The following PARN variants were observed in gnomAD, a reference collection of about 807,000 sequenced individuals.
PARN encodes the protein poly(A)-specific ribonuclease.
In PARN, 71 loss-of-function variants were observed where a neutral mutation model predicts 102.8. That is an observed-to-expected ratio of 0.69 (90% CI 0.57 to 0.84). The LOEUF (loss-of-function observed/expected upper bound fraction) is 0.84, where lower values mean the gene tolerates loss of function less well. PARN is among the 40% of genes least tolerant of loss of function. The pLI is 0.00. For missense variants in PARN, 782 were observed against 760.9 expected, an observed-to-expected ratio of 1.03 and a Z score of -0.33; for synonymous variants, 261 against 252.9, an observed-to-expected ratio of 1.03 and a Z score of -0.30.
intron 23 of PARN, among the ~76,000 whole-genome samples, chr16:14,445,369 A>T (rs1424014499): frequency 6.6e-6 from 1 of 152,184 alleles, no homozygotes; most frequent in Non-Finnish European, 1.5e-5. Context: ...GCAAAAGGGG[A>T]TTAATTAAAA....
intron 21 of PARN, among the ~76,000 whole-genome samples, chr16:14,493,350 G>C (rs1295427765): frequency 6.6e-6 from 1 of 152,116 alleles, no homozygotes. Context: ...TGAGTAGCTG[G>C]GACTACAGGT....
chr16:14,531,547 A>G (rs571902106), intron 21 of PARN, among the ~76,000 whole-genome samples: 34 of 152,312 alleles, frequency 2.2e-4, no homozygotes, highest in Middle Eastern at 3.4e-3. Context: ...GATAAATTCA[A>G]TTTGGCCTCA....
intron 21 of PARN, among the ~76,000 whole-genome samples, chr16:14,498,275 A>G (rs1207438151): frequency 6.6e-6 from 1 of 152,122 alleles, no homozygotes; most frequent in Non-Finnish European, 1.5e-5. Flanking sequence ...CTGCGAGGTG[A>G]GTCATGGCCC....
At chr16:14,629,225 C>T (rs1248308382) in intron 2 of PARN, among the ~76,000 whole-genome samples, 1 of 152,174 alleles carries the variant, frequency 6.6e-6, no homozygotes, top group East Asian at 1.9e-4. Flanking sequence ...TGTGAATGTA[C>T]TTAATGCCAC....
At chr16:14,463,470 A>G (rs1050744832) in intron 22 of PARN, among the ~76,000 whole-genome samples, 2 of 152,334 alleles carry the variant, frequency 1.3e-5, no homozygotes, top group Admixed American at 6.5e-5. Context: ...ACAACCCACA[A>G]TAACAGTAAT....
At chr16:14,555,092 G>C (rs550722996) in intron 19 of PARN, among the ~76,000 whole-genome samples, 3 of 152,262 alleles carry the variant, frequency 2.0e-5, no homozygotes, top group South Asian at 2.1e-4. Flanking sequence ...AACTATCATT[G>C]CAACAATTAT....
At chr16:14,577,365 G>A (rs1280768329) in intron 18 of PARN, among the ~76,000 whole-genome samples, 1 of 152,154 alleles carries the variant, frequency 6.6e-6, no homozygotes, top group African/African-American at 2.4e-5. Flanking sequence ...TATTAACATA[G>A]AAAGAGATGT....
chr16:14,451,869 C>CAAAAAAAAAAAAAAAAAAAAAAA (rs869041563), intron 22 of PARN, among the ~76,000 whole-genome samples: 12 of 52,496 alleles, frequency 2.3e-4, no homozygotes, highest in South Asian at 8.3e-4. Context: ...AAAAAAAATA[C>CAAAAAAAAAAAAAAAAAAAAAAA]AAAAAAAAAA....
chr16:14,592,384 A>T (rs1970254898), intron 13 of PARN, among the ~76,000 whole-genome samples: 1 of 152,244 alleles, frequency 6.6e-6, no homozygotes, highest in Admixed American at 6.5e-5. Flanking sequence ...TCTACAGCTG[A>T]AGCTGTAAAG....
chr16:14,598,518 A>G (rs1254954826), intron 12 of PARN, among the ~76,000 whole-genome samples: 2 of 152,184 alleles, frequency 1.3e-5, no homozygotes, highest in Non-Finnish European at 2.9e-5. Context: ...ACTTATCTGA[A>G]GTCTGCTGGC....
chr16:14,470,320 T>C (rs529077764), intron 22 of PARN, among the ~76,000 whole-genome samples: 1 of 152,150 alleles, frequency 6.6e-6, no homozygotes, highest in African/African-American at 2.4e-5. Flanking sequence ...TTGGAGACAC[T>C]GAGAAACCTT....
intron 22 of PARN, among the ~76,000 whole-genome samples, chr16:14,457,295 T>C (rs755322955): frequency 2.0e-5 from 3 of 152,160 alleles, no homozygotes; most frequent in Non-Finnish European, 4.4e-5. Flanking sequence ...CAAAATGAAC[T>C]GGAGAGATCC....
chr16:14,528,737 C>T (rs1350413461), intron 21 of PARN, among the ~76,000 whole-genome samples: 1 of 152,176 alleles, frequency 6.6e-6, no homozygotes, highest in Non-Finnish European at 1.5e-5. Flanking sequence ...CTCTTCTCCA[C>T]TTTAACCTCT....
intron 12 of PARN, among the ~76,000 whole-genome samples, chr16:14,598,084 T>G (rs983566992): frequency 1.8e-4 from 28 of 151,964 alleles, no homozygotes; most frequent in Non-Finnish European, 2.9e-4. Context: ...GCGGAGGTTG[T>G]GGTGAGCCAG....
chr16:14,617,651 C>G lies in PARN; in HGVS notation c.328-1G>C. On this transcript the variant is annotated splice_acceptor_variant, in intron 5 of 23. Coordinates refer to ENST00000437198, the MANE Select transcript of PARN (RefSeq NM_002582.4). LOFTEE classifies it high-confidence loss of function. ...TTGCTAGAAAGTCAATGCTGGAGCT[C>G]TGAAACAGAGTAAACAGAACACATG... 6.3e-7 allele frequency: 1 copy of G among 1,585,256 alleles called. No homozygotes were observed. Among genetic ancestry groups the G allele is most frequent in the Non-Finnish European group, 8.7e-7 (1 of 1,153,894 alleles).
chr16:14,456,786 A>G (rs1961699583), intron 22 of PARN, among the ~76,000 whole-genome samples: 1 of 152,070 alleles, frequency 6.6e-6, no homozygotes, highest in Non-Finnish European at 1.5e-5. Flanking sequence ...AGCTCTCCTC[A>G]CTGTGCCGGT....
chr16:14,600,744 A>G (rs992269294), intron 11 of PARN, among the ~76,000 whole-genome samples: 4 of 152,150 alleles, frequency 2.6e-5, no homozygotes, highest in Non-Finnish European at 5.9e-5. Flanking sequence ...CAGCCTGACC[A>G]ACATGGTGAA....
chr16:14,615,719 A>G (rs1340363133), intron 6 of PARN, among the ~76,000 whole-genome samples: 1 of 152,072 alleles, frequency 6.6e-6, no homozygotes, highest in Non-Finnish European at 1.5e-5. Flanking sequence ...CAGCCAACAT[A>G]GTGAAACCCC....
chr16:14,532,846 CG>C (rs1567355394), intron 21 of PARN, among the ~76,000 whole-genome samples: 2 of 149,716 alleles, frequency 1.3e-5, no homozygotes, highest in African/African-American at 2.5e-5. Flanking sequence ...GGTGGCTGGC[CG>C]GGCGGGGGGC....
Sources: gnomAD v4.1 joint callset for allele counts (sites outside exome capture counted in the v4.1 genomes callset) on GRCh38, gnomAD v4.1.1 for gene constraint, MANE v1.5 for transcripts, NCBI Gene and HGNC (gene_info 2026-07-23, HGNC 2026-07-21) for gene names.